DNAH17: variants seen among roughly 807,000 people sequenced by gnomAD.
DNAH17 encodes the protein dynein axonemal heavy chain 17, also known as axonemal beta dynein heavy chain 17.
DNAH17 carries 376 observed loss-of-function variants against 485.6 expected under a neutral mutation model. The ratio of observed to expected loss-of-function variants is 0.77; its 90% CI spans 0.71 to 0.84. DNAH17 has a LOEUF of 0.84. Among genes scored for constraint, DNAH17 ranks in the 40% least tolerant of loss-of-function variants. The pLI is 0.00. For missense variants in DNAH17, 6,370 were observed against 5,839.3 expected (o/e 1.09, Z -2.96); for synonymous variants, 3,031 against 2,405.9 (o/e 1.26, Z -7.60).
Position 78,425,458 on chromosome 17 carries a change from G to A in DNAH17, c.13029C>T (p.Asn4343=), listed in dbSNP as rs750418013. 1.8e-5 allele frequency: 29 copies of A among 1,613,946 alleles called. No individual in the cohort carries two copies. The East Asian group carries it at 2.2e-4, about 12-fold the overall frequency. The part of the protein sequence containing the change: ...TAIMQSMARK[N]EWPLDKMCLS... ...GACACATCTTGTCCAGGGGCCACTC[G>A]TTCTTCCTGGCCATGGACTGCATGA... Residue 4343 remains asparagine, a synonymous_variant, in exon 80 of 81, where the codon AAC becomes AAT. Coordinates refer to ENST00000389840, the MANE Select transcript of DNAH17 (RefSeq NM_173628.4).
intron 68 of DNAH17, 83 bp downstream of exon 68, chr17:78,450,171 C>A: frequency 6.5e-7 from 1 of 1,530,592 alleles, no homozygotes; most frequent in Non-Finnish European, 9.0e-7. Context: ...TGCCCGATGG[C>A]TGTGTGGGCA....
In DNAH17 at chr17:78,529,508, C is replaced by T. The variant is rs781692745; in HGVS notation, c.3471G>A (p.Gly1157=). ...KQTIELLKTY[G]EEMPEEIHLK... is the part of the protein sequence containing the mutation. ...AGTGGATCTCCTCTGGCATCTCCTC[C>T]CCGTAGGTCTTGAGCAGCTCGATGG... The change falls in exon 22 of 81, where the codon GGG becomes GGA. Residue 1157 remains glycine, a synonymous_variant. Transcript: ENST00000389840. 5 of 1,613,952 alleles carry T rather than the reference C, an allele frequency of 3.1e-6. No homozygotes were observed. The highest frequency in any genetic ancestry group is 4.2e-6 in the Non-Finnish European group (5 of 1,179,886).
intron 2 of DNAH17, 51 bp from the exon 3 acceptor site, chr17:78,572,945 G>C: frequency 6.5e-7 from 1 of 1,547,070 alleles, no homozygotes; most frequent in South Asian, 1.2e-5. Flanking sequence ...CACCAGCTCG[G>C]CAACCGCACA....
At chr17:78,468,025 A>G (rs1330636811) in intron 55 of DNAH17, among the ~76,000 whole-genome samples, 1 of 106,432 alleles carries the variant, frequency 9.4e-6, no homozygotes, top group Non-Finnish European at 2.2e-5. Context: ...TCAAAAAAAA[A>G]AAAAAAAAGA....
intron 21 of DNAH17, among the ~76,000 whole-genome samples, chr17:78,530,095 CT>C: frequency 6.6e-6 from 1 of 152,360 alleles, no homozygotes; most frequent in East Asian, 1.9e-4. Context: ...TTCTGGTTTC[CT>C]CCGCATCTGG....
intron 9 of DNAH17, 86 bp downstream of exon 9, chr17:78,569,080 G>T: frequency 1.9e-6 from 2 of 1,049,584 alleles, no homozygotes; most frequent in Non-Finnish European, 1.4e-6. Context: ...TTATTGGCAA[G>T]GGGGGTAGGG....
Position 78,567,231 on chromosome 17 carries a change from A to G in DNAH17, c.1285-65T>C, listed in dbSNP as rs2092282380. On this transcript the variant is annotated intron_variant, in intron 9 of 80. Transcript: ENST00000389840. ...CCCAACTCACGGGTCCAGTTACAAA[A>G]CTAGCTCTGACCCCAGGCAGGAGGA... The G allele has an allele frequency of 3.9e-6, 6 of 1,526,354 alleles. No homozygotes were observed. In the East Asian group the frequency reaches 1.5e-4, roughly 37 times the overall value. The allele number at this position is 1,526,354 out of a possible 1,614,324, so 94.6% of individuals were successfully genotyped here. A position where few individuals can be genotyped will look rare whatever the true frequency, so the allele number is the denominator to read the frequency against.
chr17:78,556,958 G>A (rs1395574444), intron 14 of DNAH17, among the ~76,000 whole-genome samples: 22 of 152,288 alleles, frequency 1.4e-4, no homozygotes, highest in Admixed American at 1.2e-3. Context: ...TTCCCGACTC[G>A]GCTTCCAGGG....
At chr17:78,533,164 C>T in intron 19 of DNAH17, 1 of 188,504 alleles carries the variant, frequency 5.3e-6, no homozygotes, top group Non-Finnish European at 1.1e-5. Flanking sequence ...ATGACTCACA[C>T]ATTGATTCAT....
intron 26 of DNAH17, among the ~76,000 whole-genome samples, 162 bp downstream of exon 26, chr17:78,514,612 G>T (rs913769478): frequency 6.6e-6 from 1 of 152,036 alleles, no homozygotes; most frequent in East Asian, 1.9e-4. Flanking sequence ...GTGGAGCCCA[G>T]TGTGACTGCG....
At chr17:78,431,614 G>T (rs1023105855) in intron 75 of DNAH17, among the ~76,000 whole-genome samples, 5 of 152,124 alleles carry the variant, frequency 3.3e-5, no homozygotes, top group Admixed American at 2.0e-4. Flanking sequence ...TAAACAGGCC[G>T]TGGACACAGA....
chr17:78,558,579 G>T (rs181532093), intron 13 of DNAH17, among the ~76,000 whole-genome samples: 1 of 148,192 alleles, frequency 6.7e-6, no homozygotes, highest in East Asian at 1.9e-4. Flanking sequence ...TCATCACCAC[G>T]GGTGGGTGAC....
At chr17:78,515,879 C>T (rs1013289346) in intron 25 of DNAH17, among the ~76,000 whole-genome samples, 1 of 152,212 alleles carries the variant, frequency 6.6e-6, no homozygotes, top group African/African-American at 2.4e-5. Flanking sequence ...ACGCAGCTTC[C>T]ACTGACTGGT....
intron 16 of DNAH17, among the ~76,000 whole-genome samples, chr17:78,545,313 C>T (rs151185098): frequency 1.1e-3 from 168 of 152,254 alleles, no homozygotes; most frequent in Middle Eastern, 6.8e-3. Context: ...CAGAAAAACG[C>T]GTTCTGTATA....
chr17:78,485,267 T>G, intron 47 of DNAH17: 1 of 633,350 alleles, frequency 1.6e-6, no homozygotes, highest in Non-Finnish European at 2.7e-6. Flanking sequence ...TCCGTCACCT[T>G]TGGGTCGCCT....
intron 75 of DNAH17, among the ~76,000 whole-genome samples, chr17:78,431,579 T>A (rs1282269367): frequency 1.3e-5 from 2 of 152,064 alleles, no homozygotes. Flanking sequence ...GAATCCCTGA[T>A]CTATTTCCTC....
chr17:78,570,021 C>G (rs1194452323), intron 7 of DNAH17, among the ~76,000 whole-genome samples: 1 of 152,220 alleles, frequency 6.6e-6, no homozygotes, highest in Non-Finnish European at 1.5e-5. Flanking sequence ...AGACCTCCTC[C>G]TCTGTCCCCG....
At chr17:78,551,437 A>G in intron 16 of DNAH17, 98 bp downstream of exon 16, 1 of 1,087,028 alleles carries the variant, frequency 9.2e-7, no homozygotes, top group East Asian at 2.4e-5. Context: ...CACCCCACAC[A>G]TCGCAGCACT....
Position 78,561,700 on chromosome 17 carries a change from A to C in DNAH17, c.1835+15T>G, listed in dbSNP as rs1424065273. 1.3e-6 allele frequency: 2 copies of C among 1,592,314 alleles called. No individual in the cohort carries two copies. The highest frequency in any genetic ancestry group is 1.7e-6 in the Non-Finnish European group (2 of 1,167,340). On this transcript the variant is annotated intron_variant, in intron 12 of 80. Coordinates refer to ENST00000389840, the MANE Select transcript of DNAH17 (RefSeq NM_173628.4). ...GGAGGCGGGGTGCCTGCCCCTGCCC[A>C]GGGCTGTGACTCACGGGTGTTCGAC...
Sources: allele counts gnomAD v4.1 joint callset (sites outside exome capture counted in the v4.1 genomes callset), GRCh38; gene constraint gnomAD v4.1.1; transcripts MANE v1.5; gene names NCBI Gene and HGNC (gene_info 2026-07-23, HGNC 2026-07-21).